IFT172: variants seen among roughly 807,000 people sequenced by gnomAD.
IFT172 encodes the protein intraflagellar transport 172.
A neutral mutation model predicts 248.9 loss-of-function variants in IFT172; 164 were observed. That is an observed-to-expected ratio of 0.66 (90% CI 0.58 to 0.75). IFT172 has a LOEUF of 0.75. Ranked by LOEUF, IFT172 falls within the 30% of genes least tolerant of loss-of-function variation. The probability of loss-of-function intolerance (pLI) is 0.00; values close to 1 mark genes in which losing one functional copy is unlikely to be tolerated. For synonymous variants in IFT172, 729 were observed against 791.6 expected (o/e 0.92, Z 1.33); for missense variants, 1,950 against 2,192.4 (o/e 0.89, Z 2.21).
chr2:27,461,543 G>A, intron 21 of IFT172, 26 bp from the exon 22 acceptor site: 1 of 1,610,022 alleles, frequency 6.2e-7, no homozygotes. Context: ...GGACAACTAG[G>A]AGTCACATCC....
intron 21 of IFT172, 116 bp from the exon 22 acceptor site, chr2:27,461,633 A>T: frequency 2.7e-6 from 4 of 1,497,942 alleles, no homozygotes; most frequent in Non-Finnish European, 3.7e-6. Context: ...CAGTATCCTA[A>T]CTCCTCACCA....
intron 47 of IFT172, 74 bp downstream of exon 47, chr2:27,444,940 C>T (rs1239308746): frequency 2.0e-6 from 3 of 1,516,362 alleles, no homozygotes; most frequent in Non-Finnish European, 2.7e-6. Context: ...TGAGCCACTG[C>T]ACCCAGACTT....
chr2:27,459,330 T>G (rs1666438599), intron 25 of IFT172, 48 bp downstream of exon 25: 1 of 1,595,076 alleles, frequency 6.3e-7, no homozygotes, highest in East Asian at 2.2e-5. Context: ...CTCTCATTGT[T>G]ATCCTCTACT....
rs758459581 is a variant in IFT172 at position 27,485,011 on chromosome 2, TC to T, written c.296+6del. The T allele has an allele frequency of 1.4e-6, 2 of 1,470,298 alleles. No homozygotes were observed. The highest frequency in any genetic ancestry group is 1.9e-6 in the Non-Finnish European group (2 of 1,050,082). The allele number at this position is 1,470,298 out of a possible 1,614,324, so 91.1% of individuals were successfully genotyped here. On this transcript the variant is annotated splice_donor_region_variant and intron_variant, in intron 3 of 47. Transcript: ENST00000260570. ...GGGCCATCCCATCTCCCAGTCTCTA[TC>T]CTCACCAATCTTCTCCAATCTTGTA...
rs1668526607 is a variant in IFT172 at position 27,483,388 on chromosome 2, GA to G, written c.483-13del. 6.5e-7 allele frequency: 1 copy of G among 1,549,694 alleles called. No individual in the cohort carries two copies. The highest frequency in any genetic ancestry group is 8.9e-7 in the Non-Finnish European group (1 of 1,121,654). The stretch of plus-strand genomic sequence containing the variant: ...CTTTCCCAGAGCAACTAAAAAAGGA[GA>G]AAGGAGAGAAATACAGGAAGAGACT... On this transcript the variant is annotated splice_polypyrimidine_tract_variant and intron_variant, in intron 6 of 47. Transcript: ENST00000260570.
At chr2:27,462,890 A>G (rs1666791762) in intron 19 of IFT172, 97 bp from the exon 20 acceptor site, 8 of 1,301,686 alleles carry the variant, frequency 6.1e-6, no homozygotes, top group Admixed American at 1.9e-5. Flanking sequence ...AGAAAACAAA[A>G]GACTTGGGAA....
At chr2:27,465,961 A>C in intron 16 of IFT172, 79 bp from the exon 17 acceptor site, 2 of 1,530,250 alleles carry the variant, frequency 1.3e-6, no homozygotes, top group Non-Finnish European at 1.8e-6. Context: ...ACCCACCCTC[A>C]TCCGACCCAG....
At chr2:27,467,482 T>C (rs887869641) in intron 16 of IFT172, among the ~76,000 whole-genome samples, 4 of 115,414 alleles carry the variant, frequency 3.5e-5, no homozygotes, top group African/African-American at 1.3e-4. Flanking sequence ...TGTAGTGGCA[T>C]ACGCCTGTAG....
intron 1 of IFT172, 113 bp downstream of exon 1, chr2:27,489,502 A>G: frequency 4.0e-6 from 3 of 747,252 alleles, no homozygotes; most frequent in Non-Finnish European, 6.9e-6. Flanking sequence ...TCATCGCTAT[A>G]TCCCTTACAG....
chr2:27,479,747 A>G lies in IFT172; in HGVS notation c.910-143T>C, dbSNP rs143339660. 230 of 717,616 alleles carry G rather than the reference A, an allele frequency of 3.2e-4. No homozygotes were observed. In the African/African-American group the frequency reaches 3.4e-3, roughly 11 times the overall value. 44.5% of individuals were successfully genotyped at this position (717,616 alleles called of 1,614,324 possible). ...AGAGCTGGCAGTTTTTGGAATTACCAAAAGGAAAGAGGCTACAATCATTGG... is the reference window on the plus strand; with the variant it reads ...AGAGCTGGCAGTTTTTGGAATTACCGAAAGGAAAGAGGCTACAATCATTGG... On this transcript the variant is annotated intron_variant, in intron 9 of 47. Transcript: ENST00000260570.
intron 30 of IFT172, chr2:27,455,334 T>C (rs1449247334): frequency 6.4e-6 from 2 of 312,980 alleles, no homozygotes; most frequent in East Asian, 1.1e-4. Context: ...GCTAGGAAAA[T>C]TGCTGTGAAC....
intron 11 of IFT172, 130 bp downstream of exon 11, chr2:27,477,865 T>G: frequency 3.3e-6 from 4 of 1,205,026 alleles, no homozygotes; most frequent in South Asian, 2.9e-5. Context: ...TCTCCTTCCC[T>G]GAAACCAGGT....
In IFT172 at chr2:27,454,092, C is replaced by T. The variant is rs747872724; in HGVS notation, c.3601G>A (p.Glu1201Lys). ...AEAHDPDSVAEVLVGQARGAL... is the reference protein window; with the variant it reads ...AEAHDPDSVAKVLVGQARGAL... ...CCCCGGGCCTGTCCCACAAGCACCT[C>T]GGCGACACTGTCAGGGTCGTGAGCC... The change falls in exon 33 of 48, where the codon GAG becomes AAG. Residue 1201 changes from glutamate (E) to lysine (K), a missense_variant. By Grantham distance (56) the Glu-to-Lys change is moderately conservative. Transcript: ENST00000260570. The surrounding 1 kb of genome is among the most constrained non-coding windows in gnomAD (Gnocchi z 4.2). 2.2e-5 allele frequency: 36 copies of T among 1,613,980 alleles called. No homozygotes were observed. The East Asian group carries it at 3.3e-4, about 15-fold the overall frequency.
Position 27,453,982 on chromosome 2 carries a change from C to T in IFT172, c.3711G>A (p.Lys1237=). The part of the protein sequence containing the change: ...QRPGLALNYY[K]EAGLWSDALR... ...CATGGCCCTGCATCCAGTGCCCCACCTTATAATAATTGAGGGCCAGGCCTG... is the reference window on the plus strand; with the variant it reads ...CATGGCCCTGCATCCAGTGCCCCACTTTATAATAATTGAGGGCCAGGCCTG... Residue 1237 remains lysine (K), a splice_region_variant and synonymous_variant, in exon 33 of 48, where the codon AAG becomes AAA. Coordinates refer to ENST00000260570, the MANE Select transcript of IFT172 (RefSeq NM_015662.3). 1.2e-6 allele frequency: 2 copies of T among 1,610,208 alleles called. No homozygotes were observed. The highest frequency in any genetic ancestry group is 1.7e-6 in the Non-Finnish European group (2 of 1,179,240).
chr2:27,477,520 G>T, intron 12 of IFT172, 39 bp downstream of exon 12: 2 of 1,442,076 alleles, frequency 1.4e-6, no homozygotes, highest in Admixed American at 1.7e-5. Context: ...CTAGAAGGAG[G>T]CTTATCAAGA....
chr2:27,446,503 T>C (rs1665115491), intron 42 of IFT172, 148 bp from the exon 43 acceptor site: 1 of 660,438 alleles, frequency 1.5e-6, no homozygotes, highest in East Asian at 2.9e-5. Context: ...TCTTAGTTTT[T>C]TTTTTCTTTT....
At chr2:27,485,824 T>C (rs1033901075) in intron 1 of IFT172, among the ~76,000 whole-genome samples, 4 of 152,240 alleles carry the variant, frequency 2.6e-5, no homozygotes, top group African/African-American at 2.4e-5. Context: ...CTGGTAAGTT[T>C]TGGTCATTAG....
rs1158866336 is a variant in IFT172 at position 27,457,945 on chromosome 2, C to T, written c.3007G>A (p.Ala1003Thr). The T allele has an allele frequency of 1.2e-6, 2 of 1,614,066 alleles. No individual in the cohort carries two copies. Among genetic ancestry groups the T allele is most frequent in the Non-Finnish European group, 1.7e-6 (2 of 1,180,040 alleles). Residue 1003 changes from alanine (A) to threonine (T), a missense_variant, in exon 28 of 48, where the codon GCC (alanine) becomes ACC (threonine). Transcript: ENST00000260570. The stretch of plus-strand genomic sequence containing the variant: ...TTGTGCTTTTTGTACATGGTGATGG[C>T]AAGATCAGGCTCTTGTACTGTCACA... ...LYVTVQEPDL[A>T]ITMYKKHKLY...
intron 10 of IFT172, 71 bp downstream of exon 10, chr2:27,479,438 A>C (rs1264281760): frequency 2.3e-6 from 2 of 865,332 alleles, no homozygotes; most frequent in Non-Finnish European, 4.0e-6. Context: ...TGTGGCCAGA[A>C]GGCAGGGAAA....
Sources: allele counts gnomAD v4.1 joint callset (sites outside exome capture counted in the v4.1 genomes callset), GRCh38; gene constraint gnomAD v4.1.1; non-coding constraint Gnocchi (gnomAD v3.1); transcripts MANE v1.5; gene names NCBI Gene and HGNC (gene_info 2026-07-23, HGNC 2026-07-21).